COL11A1: variants seen among roughly 807,000 people sequenced by gnomAD.
COL11A1 encodes the protein collagen type XI alpha 1 chain, also known as collagen alpha-1(XI) chain.
COL11A1 carries 74 observed loss-of-function variants against 265.2 expected under a neutral mutation model. The ratio of observed to expected loss-of-function variants is 0.28; its 90% CI spans 0.23 to 0.34. COL11A1 has a LOEUF of 0.34. Ranked by LOEUF, COL11A1 falls within the 10% of genes least tolerant of loss-of-function variation. COL11A1 has a pLI of 1.00. For synonymous variants in COL11A1, 816 were observed against 727.6 expected, an observed-to-expected ratio of 1.12 and a Z score of -1.96; for missense variants, 2,165 against 2,263.6, an observed-to-expected ratio of 0.96 and a Z score of 0.88.
chr1:102,953,306 T>C (rs17506286), intron 41 of COL11A1, among the ~76,000 whole-genome samples: 21,342 of 152,072 alleles, frequency 0.14, 1,610 homozygotes, highest in Middle Eastern at 0.18. Context: ...TACTGGCACA[T>C]AGTATGCCAT....
intron 4 of COL11A1, among the ~76,000 whole-genome samples, chr1:103,036,029 A>G (rs999946167): frequency 1.3e-5 from 2 of 151,820 alleles, no homozygotes; most frequent in Non-Finnish European, 2.9e-5. Flanking sequence ...ATACAAAATT[A>G]TTAATATTTA....
At chr1:102,949,028 T>G (rs1659603685) in intron 41 of COL11A1, among the ~76,000 whole-genome samples, 1 of 151,780 alleles carries the variant, frequency 6.6e-6, no homozygotes. Context: ...GGTCTATGAA[T>G]TGAGAGGAAT....
At chr1:102,882,989 A>T (rs565111127) in intron 64 of COL11A1, among the ~76,000 whole-genome samples, 1 of 152,180 alleles carries the variant, frequency 6.6e-6, no homozygotes, top group Non-Finnish European at 1.5e-5. Context: ...GAAAGAATAC[A>T]TCTGGGTAAA....
At chr1:103,046,050 G>A (rs1571140982) in intron 4 of COL11A1, among the ~76,000 whole-genome samples, 1 of 151,458 alleles carries the variant, frequency 6.6e-6, no homozygotes, top group East Asian at 1.9e-4. Context: ...CCAAGTCTTT[G>A]CTATTTTGAA....
At chr1:103,043,236 G>T (rs1668977790) in intron 4 of COL11A1, among the ~76,000 whole-genome samples, 2 of 142,552 alleles carry the variant, frequency 1.4e-5, no homozygotes, top group African/African-American at 5.3e-5. Flanking sequence ...ATGTATATAT[G>T]AAATACATCA....
At position 102,915,624 on chromosome 1, in the gene COL11A1, T is replaced by C. The variant is rs1232135679; in HGVS notation, c.3816+7A>G. ...ATACACTATGTTAACAATAACACAG[T>C]ACTTACGCCTACACCTGCTTCCCCA... On this transcript the variant is annotated splice_region_variant and intron_variant, in intron 50 of 66. Coordinates refer to ENST00000370096, the MANE Select transcript of COL11A1 (RefSeq NM_001854.4). The C allele has an allele frequency of 6.2e-7, 1 of 1,611,708 alleles. No individual in the cohort carries two copies. The highest frequency in any genetic ancestry group is 2.2e-5 in the East Asian group (1 of 44,836).
intron 57 of COL11A1, among the ~76,000 whole-genome samples, chr1:102,891,711 C>CA (rs34484060): frequency 0.17 from 11,462 of 67,216 alleles, 540 homozygotes; most frequent in Middle Eastern, 0.28. Flanking sequence ...ATTTTGTCTA[C>CA]AAAAAAAAAA....
At chr1:102,955,294 A>T (rs1660264481) in intron 41 of COL11A1, among the ~76,000 whole-genome samples, 1 of 152,232 alleles carries the variant, frequency 6.6e-6, no homozygotes, top group Admixed American at 6.5e-5. Flanking sequence ...ATAGGAAGAG[A>T]ATGTGAACTC....
At chr1:102,905,569 C>T (rs1653882712) in intron 54 of COL11A1, among the ~76,000 whole-genome samples, 1 of 149,476 alleles carries the variant, frequency 6.7e-6, no homozygotes, top group African/African-American at 2.5e-5. Flanking sequence ...ACCTCTTTCT[C>T]AGTTGACTCA....
At chr1:102,913,859 C>T (rs1654993247) in intron 52 of COL11A1, among the ~76,000 whole-genome samples, 169 bp from the exon 53 acceptor site, 1 of 152,064 alleles carries the variant, frequency 6.6e-6, no homozygotes, top group Non-Finnish European at 1.5e-5. Context: ...GTACCTCTCA[C>T]TCTCCGCAAA....
At chr1:102,940,223 A>G in intron 43 of COL11A1, 104 bp downstream of exon 43, 4 of 908,960 alleles carry the variant, frequency 4.4e-6, no homozygotes. Context: ...GAAAAAGGTA[A>G]CCTTTCACCT....
chr1:102,914,474 G>T (rs1655071026), intron 51 of COL11A1, 69 bp from the exon 52 acceptor site: 1 of 1,393,312 alleles, frequency 7.2e-7, no homozygotes, highest in Admixed American at 2.0e-5. Context: ...TGACATTCTG[G>T]AGGTGAAGAG....
Position 103,026,257 on chromosome 1 carries a change from C to G in COL11A1, c.856G>C (p.Glu286Gln), listed in dbSNP as rs1667506855. The change falls in exon 6 of 67, where the codon GAG (glutamate) becomes CAG (glutamine). Residue 286 changes from glutamate (E) to glutamine (Q), a missense_variant. Coordinates refer to ENST00000370096, the MANE Select transcript of COL11A1 (RefSeq NM_001854.4). ...GTCTCCTCAGTTACAGTGGGTCCCT[C>G]TGTTACACTTTCAGCCTCTTTATAC... ...AEYKEAESVT[E>Q]GPTVTEETIA... 1 of 1,613,756 alleles carries G rather than the reference C, an allele frequency of 6.2e-7. No individual in the cohort carries two copies. Among genetic ancestry groups the G allele is most frequent in the Non-Finnish European group, 8.5e-7 (1 of 1,179,688 alleles).
At chr1:103,076,820 C>T (rs1672008114) in intron 3 of COL11A1, among the ~76,000 whole-genome samples, 1 of 152,144 alleles carries the variant, frequency 6.6e-6, no homozygotes, top group Admixed American at 6.6e-5. Context: ...TTGTTCATTG[C>T]TACAACTGCT....
intron 41 of COL11A1, among the ~76,000 whole-genome samples, chr1:102,949,869 A>G (rs1473602274): frequency 6.6e-6 from 1 of 152,218 alleles, no homozygotes; most frequent in African/African-American, 2.4e-5. Context: ...AAACAAGCTC[A>G]TTTTGGTTGA....
intron 46 of COL11A1, 26 bp from the exon 47 acceptor site, chr1:102,923,415 T>A: frequency 6.4e-7 from 1 of 1,550,888 alleles, no homozygotes. Flanking sequence ...AGAAAAATAA[T>A]AAAAGTCACT....
At chr1:103,061,192 G>T (rs908866671) in intron 4 of COL11A1, among the ~76,000 whole-genome samples, 1 of 151,942 alleles carries the variant, frequency 6.6e-6, no homozygotes, top group Non-Finnish European at 1.5e-5. Context: ...AGGGTAAAAA[G>T]GTCAGTGCAC....
intron 4 of COL11A1, among the ~76,000 whole-genome samples, chr1:103,040,487 A>C (rs999660246): frequency 1.3e-5 from 2 of 151,518 alleles, no homozygotes; most frequent in Non-Finnish European, 3.0e-5. Flanking sequence ...CTCTTATGTA[A>C]AAATTTAAAT....
chr1:102,880,922 T>C (rs1463789626), intron 65 of COL11A1, among the ~76,000 whole-genome samples: 1 of 152,024 alleles, frequency 6.6e-6, no homozygotes, highest in Admixed American at 6.6e-5. Context: ...TAATGTAATA[T>C]GGATATTTAA....
Sources: allele counts gnomAD v4.1 joint callset (sites outside exome capture counted in the v4.1 genomes callset), GRCh38; gene constraint gnomAD v4.1.1; transcripts MANE v1.5; gene names NCBI Gene and HGNC (gene_info 2026-07-23, HGNC 2026-07-21).